The following LRRC37A2 variants were observed in gnomAD, a reference collection of about 807,000 sequenced individuals.
The protein encoded by LRRC37A2 is leucine-rich repeat-containing protein 37A2.
In LRRC37A2, 9 loss-of-function variants were observed where a neutral mutation model predicts 68.8. The ratio of observed to expected loss-of-function variants is 0.13; its 90% CI spans 0.08 to 0.23. The LOEUF is 0.23. Ranked by LOEUF, LRRC37A2 falls within the 10% of genes least tolerant of loss-of-function variation. LRRC37A2 has a pLI of 1.00. For synonymous variants in LRRC37A2, 63 were observed against 367.6 expected (o/e 0.17, Z 9.48); for missense variants, 168 against 950.4 (o/e 0.18, Z 10.82).
chr17:46,852,758 G>A, the LRRC37A2 span, among the ~76,000 whole-genome samples: 1 of 152,122 alleles, frequency 6.6e-6, no homozygotes, highest in Non-Finnish European at 1.5e-5. Flanking sequence ...TACAGTCTGA[G>A]TATATACAGC....
chr17:46,500,224 T>C, the LRRC37A2 span, among the ~76,000 whole-genome samples: 1 of 147,402 alleles, frequency 6.8e-6, no homozygotes, highest in Non-Finnish European at 1.5e-5. Context: ...TATTAATGTC[T>C]TTGGTTAAGC....
At chr17:46,787,751 C>T in the LRRC37A2 span, among the ~76,000 whole-genome samples, 74 of 152,292 alleles carry the variant, frequency 4.9e-4, no homozygotes, top group East Asian at 3.7e-3. Context: ...GTCAGGAGTT[C>T]GAGACCAGCC....
At chr17:47,019,482 G>A in the LRRC37A2 span, 94 of 1,586,722 alleles carry the variant, frequency 5.9e-5, 6 homozygotes, top group African/African-American at 1.2e-3. Context: ...TACAGAGATT[G>A]GACATTCTAC....
chr17:46,938,599 G>C, the LRRC37A2 span: 3 of 1,613,276 alleles, frequency 1.9e-6, no homozygotes, highest in Non-Finnish European at 2.5e-6. Flanking sequence ...TCTGCCCCAG[G>C]GGACTCAGAA....
the LRRC37A2 span, chr17:46,936,463 C>T: frequency 1.0e-6 from 1 of 985,444 alleles, no homozygotes; most frequent in Non-Finnish European, 1.2e-6. Flanking sequence ...AGGTTTCTAA[C>T]TTTCCTCTGC....
rs1304332867 is a variant in LRRC37A2 at position 46,532,345 on chromosome 17, A to G, written c.2907-7831A>G. On this transcript the variant is annotated intron_variant, in intron 6 of 14. Coordinates refer to ENST00000576629, the Ensembl canonical transcript of LRRC37A2. ...GCCAGATTTTGTCAAGCATTTTTCC[A>G]TCTACATTCATAAGAAATACTGGTC... Among the ~76,000 whole-genome samples the G allele has an allele frequency of 2.0e-5, 3 of 150,476 alleles. 1 individual carries two copies. Among genetic ancestry groups the G allele is most frequent in the African/African-American group, 7.5e-5 (3 of 39,998 alleles).
the LRRC37A2 span, among the ~76,000 whole-genome samples, chr17:46,770,229 G>C: frequency 6.6e-6 from 1 of 152,230 alleles, no homozygotes; most frequent in African/African-American, 2.4e-5. Flanking sequence ...ACCCAGTTGG[G>C]TATTCCCACT....
At chr17:46,736,363 C>T in the LRRC37A2 span, among the ~76,000 whole-genome samples, 1 of 152,172 alleles carries the variant, frequency 6.6e-6, no homozygotes, top group Non-Finnish European at 1.5e-5. Flanking sequence ...TTTCTCCTAA[C>T]TCATGGTGCA....
chr17:46,716,059 CTTAGAAATATA>C, the LRRC37A2 span, among the ~76,000 whole-genome samples: 9 of 152,074 alleles, frequency 5.9e-5, no homozygotes, highest in Admixed American at 1.3e-4. Context: ...GCATAGGTTT[CTTAGAAATATA>C]TTAGAAATAT....
At chr17:46,879,432 T>A in the LRRC37A2 span, among the ~76,000 whole-genome samples, 1 of 152,240 alleles carries the variant, frequency 6.6e-6, no homozygotes, top group Admixed American at 6.5e-5. Flanking sequence ...CCAGGCCCCC[T>A]TCTTCTGCTC....
chr17:46,756,883 A>G, the LRRC37A2 span: 1 of 152,670 alleles, frequency 6.6e-6, no homozygotes, highest in East Asian at 1.9e-4. Context: ...CACTTCTTCC[A>G]AAAGGAAGCA....
chr17:46,812,519 G>C, the LRRC37A2 span, among the ~76,000 whole-genome samples: 4 of 152,274 alleles, frequency 2.6e-5, no homozygotes, highest in East Asian at 7.7e-4. Context: ...CCCCTTCTGT[G>C]CCCAGCCCCC....
chr17:46,497,696 G>A, the LRRC37A2 span, among the ~76,000 whole-genome samples: 12 of 148,990 alleles, frequency 8.1e-5, 1 homozygote, highest in African/African-American at 2.8e-4. Context: ...CATACATTGT[G>A]TATGTATGTA....
At chr17:46,737,063 T>C in the LRRC37A2 span, among the ~76,000 whole-genome samples, 1 of 152,242 alleles carries the variant, frequency 6.6e-6, no homozygotes, top group Non-Finnish European at 1.5e-5. Flanking sequence ...AAAACATTTC[T>C]TTAAGGAACA....
chr17:46,974,926 G>A, the LRRC37A2 span, among the ~76,000 whole-genome samples: 11 of 150,268 alleles, frequency 7.3e-5, no homozygotes, highest in African/African-American at 2.2e-4. Context: ...TACTATTTTC[G>A]TCATGCTTAT....
At chr17:46,681,492 AAAAAT>A in the LRRC37A2 span, among the ~76,000 whole-genome samples, 1 of 148,868 alleles carries the variant, frequency 6.7e-6, no homozygotes, top group Non-Finnish European at 1.5e-5. Context: ...CCTGTCTCAA[AAAAAT>A]AAAATGAATA....
the LRRC37A2 span, among the ~76,000 whole-genome samples, chr17:46,844,563 T>C: frequency 0.45 from 68,624 of 151,858 alleles, 18,771 homozygotes; most frequent in East Asian, 0.88. Context: ...GTGGCCGATT[T>C]CTAAAACTAA....
the LRRC37A2 span, chr17:46,749,789 T>C: frequency 1.2e-6 from 2 of 1,613,908 alleles, no homozygotes; most frequent in African/African-American, 1.3e-5. Context: ...AAGCTTCTTA[T>C]CATTGGGACC....
the LRRC37A2 span, among the ~76,000 whole-genome samples, chr17:47,027,215 A>AT: frequency 1.3e-5 from 2 of 151,644 alleles, no homozygotes; most frequent in East Asian, 1.9e-4. Flanking sequence ...CGGCCCGACT[A>AT]TTTTTTTTAA....
Sources: gnomAD v4.1 joint callset for allele counts (sites outside exome capture counted in the v4.1 genomes callset) on GRCh38, gnomAD v4.1.1 for gene constraint, MANE v1.5 for transcripts, NCBI Gene and HGNC (gene_info 2026-07-23, HGNC 2026-07-21) for gene names.